Variants in HEMK2 observed in about 807,000 individuals in gnomAD.
The protein encoded by HEMK2 is methyltransferase HEMK2.
the HEMK2 span, among the ~76,000 whole-genome samples, chr21:28,715,952 C>T: frequency 3.9e-4 from 59 of 152,002 alleles, 1 homozygote; most frequent in South Asian, 8.3e-3. Flanking sequence ...GATGATTGTA[C>T]GCAGGAGGCT....
chr21:28,717,360 G>T, the HEMK2 span, among the ~76,000 whole-genome samples: 2 of 151,622 alleles, frequency 1.3e-5, no homozygotes, highest in Admixed American at 6.6e-5. Flanking sequence ...GGGTGGTTGT[G>T]TCTTTCCAGG....
At chr21:28,881,507 TG>T in the HEMK2 span, among the ~76,000 whole-genome samples, 1 of 152,156 alleles carries the variant, frequency 6.6e-6, no homozygotes, top group East Asian at 1.9e-4. Context: ...GCAAACATCT[TG>T]TTACCATGAA....
At chr21:28,689,852 C>T in the HEMK2 span, among the ~76,000 whole-genome samples, 215 of 152,220 alleles carry the variant, frequency 1.4e-3, no homozygotes, top group Middle Eastern at 3.4e-3. Context: ...AAAGGGACTC[C>T]GTTTACTGCT....
chr21:28,848,150 C>A, the HEMK2 span, among the ~76,000 whole-genome samples: 1 of 152,120 alleles, frequency 6.6e-6, no homozygotes, highest in Admixed American at 6.5e-5. Context: ...TTTTCCAATT[C>A]TGTGGAAAAT....
chr21:28,781,216 C>T, the HEMK2 span, among the ~76,000 whole-genome samples: 1 of 152,286 alleles, frequency 6.6e-6, no homozygotes, highest in East Asian at 1.9e-4. Context: ...TATTATTTGA[C>T]TTCTTCCTGC....
At chr21:28,880,011 C>T in the HEMK2 span, 1 of 1,191,228 alleles carries the variant, frequency 8.4e-7, no homozygotes, top group Non-Finnish European at 1.2e-6. Flanking sequence ...AAATAACTGA[C>T]AAATTAATCT....
the HEMK2 span, among the ~76,000 whole-genome samples, chr21:28,797,937 T>G: frequency 6.6e-6 from 1 of 152,108 alleles, no homozygotes; most frequent in African/African-American, 2.4e-5. Context: ...CCTATCTGCA[T>G]GGCTGGACTT....
the HEMK2 span, among the ~76,000 whole-genome samples, chr21:28,884,917 A>C: frequency 3.3e-5 from 5 of 152,064 alleles, no homozygotes; most frequent in Non-Finnish European, 7.4e-5. Context: ...TCTCTCAGGG[A>C]CATGTGTTCT....
At chr21:28,675,256 C>T in the HEMK2 span, among the ~76,000 whole-genome samples, 1 of 151,976 alleles carries the variant, frequency 6.6e-6, no homozygotes, top group Non-Finnish European at 1.5e-5. Flanking sequence ...CTGCTTTAAA[C>T]AATACATTTA....
At chr21:28,882,124 G>C in the HEMK2 span, 2 of 1,512,850 alleles carry the variant, frequency 1.3e-6, no homozygotes, top group Non-Finnish European at 1.8e-6. Flanking sequence ...AACTTTATTT[G>C]AAAAGAAAAT....
the HEMK2 span, among the ~76,000 whole-genome samples, chr21:28,856,206 G>A: frequency 6.6e-6 from 1 of 152,226 alleles, no homozygotes; most frequent in East Asian, 1.9e-4. Flanking sequence ...CTTGAGGGCA[G>A]AAGTTTGAGA....
chr21:28,810,327 C>CAAAACTG, the HEMK2 span, among the ~76,000 whole-genome samples: 1 of 152,104 alleles, frequency 6.6e-6, no homozygotes, highest in African/African-American at 2.4e-5. Flanking sequence ...CAGGGACTTA[C>CAAAACTG]AAAACTGTTA....
chr21:28,576,503 A>T, the HEMK2 span, among the ~76,000 whole-genome samples: 21 of 152,124 alleles, frequency 1.4e-4, no homozygotes, highest in East Asian at 2.9e-3. Context: ...ATGTATTTTT[A>T]ATATATTTCT....
At chr21:28,754,329 G>A in the HEMK2 span, among the ~76,000 whole-genome samples, 1 of 152,206 alleles carries the variant, frequency 6.6e-6, no homozygotes, top group Non-Finnish European at 1.5e-5. Context: ...ATCAACAGGG[G>A]GGCTTTGTTC....
At chr21:28,783,221 G>A in the HEMK2 span, among the ~76,000 whole-genome samples, 1 of 151,812 alleles carries the variant, frequency 6.6e-6, no homozygotes. Flanking sequence ...ATCTCGCTCT[G>A]TTGCCCAGGA....
chr21:28,786,900 C>G, the HEMK2 span, among the ~76,000 whole-genome samples: 896 of 152,202 alleles, frequency 5.9e-3, 7 homozygotes, highest in African/African-American at 0.02. Context: ...ATACCACCAT[C>G]ATTCTTCACA....
chr21:28,856,043 A>G, the HEMK2 span, among the ~76,000 whole-genome samples: 2 of 151,870 alleles, frequency 1.3e-5, no homozygotes, highest in African/African-American at 2.4e-5. Context: ...GGTAAAATGT[A>G]TTCAGAATTA....
At chr21:28,690,345 C>T in the HEMK2 span, among the ~76,000 whole-genome samples, 5 of 152,240 alleles carry the variant, frequency 3.3e-5, no homozygotes, top group South Asian at 1.0e-3. Flanking sequence ...TGAATTGTGG[C>T]AATCATCTGA....
the HEMK2 span, among the ~76,000 whole-genome samples, chr21:28,740,801 G>C: frequency 6.6e-6 from 1 of 152,162 alleles, no homozygotes; most frequent in Non-Finnish European, 1.5e-5. Flanking sequence ...TAAGGGAATT[G>C]ATCCCTTCTG....
Sources: gnomAD v4.1 joint callset for allele counts (sites outside exome capture counted in the v4.1 genomes callset) on GRCh38, gnomAD v4.1.1 for gene constraint, MANE v1.5 for transcripts, NCBI Gene and HGNC (gene_info 2026-07-23, HGNC 2026-07-21) for gene names.